The following MTA3 variants were observed in gnomAD, a reference collection of about 807,000 sequenced individuals.
MTA3 encodes the protein metastasis associated 1 family member 3, also known as metastasis-associated protein MTA3.
In MTA3, 34 loss-of-function variants were observed where a neutral mutation model predicts 83.5. That is an observed-to-expected ratio of 0.41 (90% CI 0.31 to 0.54). MTA3 has a LOEUF of 0.54. MTA3 is among the 20% of genes least tolerant of loss of function. MTA3 has a pLI of 0.33. For synonymous variants in MTA3, 303 were observed against 252.7 expected, an observed-to-expected ratio of 1.20 and a Z score of -1.89; for missense variants, 761 against 726.4, an observed-to-expected ratio of 1.05 and a Z score of -0.55.
chr2:42,590,830 C>T (rs1201303357), intron 3 of MTA3, among the ~76,000 whole-genome samples: 2 of 151,820 alleles, frequency 1.3e-5, no homozygotes, highest in African/African-American at 4.8e-5. Context: ...CACATTGGCC[C>T]GACTGCTCTC....
At chr2:42,680,765 T>C (rs554638978) in intron 8 of MTA3, among the ~76,000 whole-genome samples, 2 of 152,312 alleles carry the variant, frequency 1.3e-5, no homozygotes, top group East Asian at 3.9e-4. Flanking sequence ...TGCCTTCTTT[T>C]TTAAAAAATA....
chr2:42,661,529 G>A (rs4952899), intron 8 of MTA3, among the ~76,000 whole-genome samples: 4,474 of 22,216 alleles, frequency 0.2, 1,021 homozygotes, highest in Middle Eastern at 0.35. Context: ...AAAAAAAAAA[G>A]AAAAAGATAT....
intron 16 of MTA3, among the ~76,000 whole-genome samples, chr2:42,747,247 A>C (rs562342962): frequency 4.5e-4 from 68 of 151,894 alleles, no homozygotes; most frequent in African/African-American, 1.6e-3. Flanking sequence ...TTATCCGCCC[A>C]CCTCAGCCCC....
intron 3 of MTA3, among the ~76,000 whole-genome samples, chr2:42,605,779 A>T (rs1319350871): frequency 3.2e-3 from 244 of 76,308 alleles, no homozygotes; most frequent in East Asian, 6.8e-3. Flanking sequence ...CACTTCCCAG[A>T]AGGGGCGGCC....
chr2:42,692,801 C>T (rs1186562798), intron 9 of MTA3, among the ~76,000 whole-genome samples: 1 of 152,164 alleles, frequency 6.6e-6, no homozygotes, highest in Non-Finnish European at 1.5e-5. Context: ...GACTTACTTA[C>T]TTTGTTTGGT....
In MTA3 at chr2:42,634,869, C is replaced by G. The variant is rs57060207; in HGVS notation, c.318-5304C>G. On this transcript the variant is annotated intron_variant, in intron 4 of 16. Coordinates refer to ENST00000405094, the MANE Select transcript of MTA3 (RefSeq NM_001330442.2). ...CTCTCTTCCCTATTCCCTTTGCCAT[C>G]TGTTTCTAATATTATCACAACTTTT... Among the ~76,000 whole-genome samples the G allele has an allele frequency of 6.6e-5, 10 of 152,162 alleles. No individual in the cohort carries two copies. In the East Asian group the frequency reaches 1.9e-3, roughly 29 times the overall value.
At chr2:42,621,596 C>T (rs1049188936) in intron 4 of MTA3, among the ~76,000 whole-genome samples, 2 of 152,212 alleles carry the variant, frequency 1.3e-5, no homozygotes, top group South Asian at 4.1e-4. Flanking sequence ...CTTTTCTATT[C>T]GACAAAACCG....
chr2:42,660,252 C>A (rs1689558784), intron 8 of MTA3, among the ~76,000 whole-genome samples: 1 of 152,018 alleles, frequency 6.6e-6, no homozygotes, highest in Admixed American at 6.6e-5. Flanking sequence ...CCACACCCAG[C>A]TAATTTTTGT....
chr2:42,508,776 A>G (rs891014786), intron 2 of MTA3, among the ~76,000 whole-genome samples: 3 of 147,206 alleles, frequency 2.0e-5, no homozygotes, highest in Admixed American at 6.9e-5. Context: ...TATATAATAT[A>G]TTTAATATAT....
chr2:42,695,886 T>C, intron 10 of MTA3, 47 bp downstream of exon 10: 1 of 1,233,648 alleles, frequency 8.1e-7, no homozygotes. Flanking sequence ...TTAAGTGAAC[T>C]TTCTGTTTAT....
At chr2:42,547,022 A>G (rs1166328431) in intron 2 of MTA3, among the ~76,000 whole-genome samples, 2 of 152,182 alleles carry the variant, frequency 1.3e-5, no homozygotes, top group African/African-American at 4.8e-5. Flanking sequence ...TGTGGACTTT[A>G]AACTGCAGAG....
At chr2:42,670,584 A>G (rs1196475510) in intron 8 of MTA3, among the ~76,000 whole-genome samples, 2 of 152,088 alleles carry the variant, frequency 1.3e-5, no homozygotes, top group Non-Finnish European at 2.9e-5. Context: ...TTTCCTTAAA[A>G]TAGAGAGGAC....
intron 2 of MTA3, among the ~76,000 whole-genome samples, chr2:42,530,454 T>C (rs1291013406): frequency 6.7e-6 from 1 of 150,010 alleles, no homozygotes; most frequent in Non-Finnish European, 1.5e-5. Context: ...GCCACTGCAC[T>C]CCAGCCTGGG....
chr2:42,503,461 C>T (rs2103648433), intron 2 of MTA3, among the ~76,000 whole-genome samples: 1 of 152,282 alleles, frequency 6.6e-6, no homozygotes, highest in African/African-American at 2.4e-5. Context: ...GCCTAACCGT[C>T]TGGGAATGCA....
intron 8 of MTA3, among the ~76,000 whole-genome samples, chr2:42,671,015 G>A (rs915478987): frequency 1.3e-5 from 2 of 151,678 alleles, no homozygotes; most frequent in Non-Finnish European, 2.9e-5. Flanking sequence ...AGATTTCCTT[G>A]TGAATCACTT....
intron 2 of MTA3, among the ~76,000 whole-genome samples, chr2:42,550,778 A>C (rs1041872172): frequency 6.6e-5 from 10 of 152,218 alleles, no homozygotes; most frequent in African/African-American, 2.4e-4. Flanking sequence ...ACAGTGGCTC[A>C]TGCCTGTAAT....
In MTA3 at chr2:42,693,646, C is replaced by T. The variant is rs142738729; in HGVS notation, c.892-2119C>T. Among the ~76,000 whole-genome samples, 463 of 151,980 alleles carry T rather than the reference C, an allele frequency of 3.0e-3. 2 individuals carry two copies. The highest frequency in any genetic ancestry group is 0.011 in the African/African-American group (448 of 41,428). ...TCCGGCCTGGGATCACCCTTCAGGGCACTGGGCTCCCCTCTGGCCCAAGGC... is the reference window on the plus strand; with the variant it reads ...TCCGGCCTGGGATCACCCTTCAGGGTACTGGGCTCCCCTCTGGCCCAAGGC... On this transcript the variant is annotated intron_variant, in intron 9 of 16. Transcript: ENST00000405094.
At chr2:42,602,897 C>T (rs1222793822) in intron 3 of MTA3, among the ~76,000 whole-genome samples, 1 of 152,186 alleles carries the variant, frequency 6.6e-6, no homozygotes, top group Non-Finnish European at 1.5e-5. Flanking sequence ...AGACTGATTT[C>T]TTCAGAGAAG....
chr2:42,753,459 G>C lies in MTA3; in HGVS notation c.*60G>C, dbSNP rs1312576313. On this transcript the variant is annotated 3_prime_UTR_variant, in exon 17 of 17. Transcript: ENST00000405094. ...CTGCACTGTCCTGCTGATGTTCACA[G>C]CCGTGCCTGGGAAGAAGGCAGCCCC... 1.5e-5 allele frequency: 23 copies of C among 1,549,720 alleles called. No individual in the cohort carries two copies. The highest frequency in any genetic ancestry group is 1.9e-5 in the Non-Finnish European group (22 of 1,146,516).
Sources: gnomAD v4.1 joint callset for allele counts (sites outside exome capture counted in the v4.1 genomes callset) on GRCh38, gnomAD v4.1.1 for gene constraint, MANE v1.5 for transcripts, NCBI Gene and HGNC (gene_info 2026-07-23, HGNC 2026-07-21) for gene names.